Variants in BCR observed in about 807,000 individuals in gnomAD.
The protein encoded by BCR is breakpoint cluster region protein.
A neutral mutation model predicts 138.6 loss-of-function variants in BCR; 58 were observed. The ratio of observed to expected loss-of-function variants is 0.42; its 90% CI spans 0.34 to 0.52. The LOEUF is 0.52. BCR is among the 20% of genes least tolerant of loss of function. The pLI, the probability that BCR is intolerant of heterozygous loss-of-function variation, is 0.06. For synonymous variants in BCR, 786 were observed against 730.1 expected (o/e 1.08, Z -1.23); for missense variants, 1,599 against 1,727.2 (o/e 0.93, Z 1.32).
chr22:23,290,794 G>A lies in BCR; in HGVS notation c.2782+381G>A, dbSNP rs1483450551. The A allele has an allele frequency of 1.2e-5, 3 of 256,510 alleles. No homozygotes were observed. The East Asian group carries it at 2.4e-4, about 21-fold the overall frequency. The allele number at this position is 256,510 out of a possible 1,614,324, so 15.9% of individuals were successfully genotyped here. ...TTCACCCCACAGCAGAGCAGATTTG[G>A]CTGCTCTGTCGAGCTGGATGGATAC... On this transcript the variant is annotated intron_variant, in intron 14 of 22. Transcript: ENST00000305877.
At chr22:23,218,529 G>A (rs1010844005) in intron 1 of BCR, among the ~76,000 whole-genome samples, 26 of 152,232 alleles carry the variant, frequency 1.7e-4, no homozygotes, top group African/African-American at 6.0e-4. Flanking sequence ...CTCAGTCCCT[G>A]CCAGTCTCTG....
At chr22:23,226,304 A>ATG (rs1173631797) in intron 1 of BCR, among the ~76,000 whole-genome samples, 2 of 100,932 alleles carry the variant, frequency 2.0e-5, no homozygotes, top group Non-Finnish European at 4.1e-5. Context: ...CATTAAGTGT[A>ATG]TGAGAGAGAG....
In BCR at chr22:23,274,907, C is replaced by A. The variant is rs1350032986; in HGVS notation, c.2115+1133C>A. Among the ~76,000 whole-genome samples, 436 of 83,820 alleles carry A rather than the reference C, an allele frequency of 5.2e-3. 1 individual carries two copies. Among genetic ancestry groups the A allele is most frequent in the African/African-American group, 0.012 (277 of 23,928 alleles). 55.0% of individuals were successfully genotyped at this position (83,820 alleles called of 152,430 possible). A position where few individuals can be genotyped will look rare whatever the true frequency, so the allele number is the denominator to read the frequency against. On this transcript the variant is annotated intron_variant, in intron 8 of 22. Transcript: ENST00000305877. ...TGGGTGACAGAGTGAAACTCCATCT[C>A]AAAAAAAAAAAAAAAAAAAAAAAAG...
chr22:23,250,727 C>T (rs1180740582), intron 1 of BCR, among the ~76,000 whole-genome samples: 2 of 152,126 alleles, frequency 1.3e-5, no homozygotes. Flanking sequence ...TTGTCTAGTT[C>T]ACATGCATGA....
In BCR at chr22:23,181,322, G is replaced by T. The variant is rs769585253; in HGVS notation, c.362G>T (p.Gly121Val). Residue 121 changes from glycine (G) to valine (V), a missense_variant, in exon 1 of 23, where the codon GGT becomes GTT. Around this residue, in one of 4 missense-constraint regions of BCR, gnomAD observed 806 missense variants for 635.0 expected, o/e 1.27. Transcript: ENST00000305877. ...EEPEARPDGE[G>V]SPGKARPGTA... The stretch of plus-strand genomic sequence containing the variant: ...CCCGAGGCCCGGCCCGACGGCGAGG[G>T]TTCTCCGGGTAAGGCCAGGCCCGGG... 2.9e-6 allele frequency: 4 copies of T among 1,395,384 alleles called. No individual in the cohort carries two copies. The highest frequency in any genetic ancestry group is 3.7e-6 in the Non-Finnish European group (4 of 1,076,710). 86.4% of individuals were successfully genotyped at this position (1,395,384 alleles called of 1,614,324 possible). A position where few individuals can be genotyped will look rare whatever the true frequency, so the allele number is the denominator to read the frequency against.
intron 20 of BCR, among the ~76,000 whole-genome samples, chr22:23,313,272 C>G (rs975361149): frequency 2.6e-5 from 4 of 152,220 alleles, no homozygotes; most frequent in African/African-American, 9.6e-5. Flanking sequence ...CACTGCTGTG[C>G]TGTGGGGTCC....
At position 23,311,608 on chromosome 22, in the gene BCR, C is replaced by T. The variant is rs1384660816; in HGVS notation, c.3183-89C>T. ...TACCTTCGTCACCGTCCTCACCCCACCTCCGGGTGTGCAGATATGGAGCAG... is the reference window on the plus strand; with the variant it reads ...TACCTTCGTCACCGTCCTCACCCCATCTCCGGGTGTGCAGATATGGAGCAG... On this transcript the variant is annotated intron_variant, in intron 18 of 22. Transcript: ENST00000305877. 6.7e-6 allele frequency: 8 copies of T among 1,194,842 alleles called. No individual in the cohort carries two copies. The East Asian group carries it at 1.0e-4, about 15-fold the overall frequency. The allele number at this position is 1,194,842 out of a possible 1,614,324, so 74.0% of individuals were successfully genotyped here. A position where few individuals can be genotyped will look rare whatever the true frequency, so the allele number is the denominator to read the frequency against.
In BCR at chr22:23,181,017, GCC is replaced by G; in HGVS notation, c.61_62del (p.Pro21AlafsTer50). 1 of 1,492,766 alleles carries G rather than the reference GCC, an allele frequency of 6.7e-7. No individual in the cohort carries two copies. Among genetic ancestry groups the G allele is most frequent in the Non-Finnish European group, 9.0e-7 (1 of 1,112,322 alleles). The allele number at this position is 1,492,766 out of a possible 1,614,324, so 92.5% of individuals were successfully genotyped here. On this transcript the variant is annotated frameshift_variant, in exon 1 of 23. Coordinates refer to ENST00000305877, the MANE Select transcript of BCR (RefSeq NM_004327.4). LOFTEE classifies it high-confidence loss of function. ...GGAAGGCGCAGTTCCCGGACTCAGA[GCC>G]CCCGCGCATGGAGCTGCGCTCAGTG... ...AWKAQFPDSE[P>X]PRMELRSVGD...
intron 6 of BCR, among the ~76,000 whole-genome samples, chr22:23,272,073 C>T (rs1005149730): frequency 3.3e-5 from 5 of 152,176 alleles, no homozygotes; most frequent in African/African-American, 9.7e-5. Context: ...GTGCCTTGGC[C>T]TCCCAAAGTG....
chr22:23,254,027 C>T, intron 2 of BCR, 47 bp downstream of exon 2: 2 of 1,561,654 alleles, frequency 1.3e-6, no homozygotes, highest in Non-Finnish European at 1.7e-6. Context: ...GGTGAGGCTC[C>T]CTGAAGCGCA....
chr22:23,304,674 T>C (rs1479189628), intron 16 of BCR, among the ~76,000 whole-genome samples: 1 of 152,146 alleles, frequency 6.6e-6, no homozygotes, highest in Non-Finnish European at 1.5e-5. Flanking sequence ...CTGCACCATC[T>C]TACATCCCCA....
At chr22:23,283,570 C>T (rs1016867479) in intron 8 of BCR, 4 of 167,414 alleles carry the variant, frequency 2.4e-5, no homozygotes, top group African/African-American at 9.6e-5. Context: ...TTCTGGATCT[C>T]CAGCTGCCAC....
In BCR at chr22:23,181,895, C is replaced by T; in HGVS notation, c.935C>T (p.Pro312Leu). 2 of 1,613,464 alleles carry T rather than the reference C, an allele frequency of 1.2e-6. No individual in the cohort carries two copies. The highest frequency in any genetic ancestry group is 1.7e-4 in the Middle Eastern group (1 of 6,060). Residue 312 changes from proline (P) to leucine (L), a missense_variant, in exon 1 of 23, where the codon CCC becomes CTC. By Grantham distance (98) the Pro-to-Leu change is moderately conservative. Transcript: ENST00000305877. ...TSEQEKRLTW[P>L]RRSYSPRSFE... ...GAGCAGGAGAAGCGCCTTACCTGGC[C>T]CCGCAGGTCCTACTCCCCCCGGAGT...
At chr22:23,278,948 A>G (rs1407849367) in intron 8 of BCR, among the ~76,000 whole-genome samples, 1 of 152,208 alleles carries the variant, frequency 6.6e-6, no homozygotes, top group Non-Finnish European at 1.5e-5. Context: ...ATTGGCAAAC[A>G]AAGCTTGGGT....
rs541916619 is a variant in BCR at position 23,290,810 on chromosome 22, G to A, written c.2782+397G>A. 33 of 235,604 alleles carry A rather than the reference G, an allele frequency of 1.4e-4. 1 individual carries two copies. The East Asian group carries it at 2.5e-3, about 18-fold the overall frequency. The allele number at this position is 235,604 out of a possible 1,614,324, so 14.6% of individuals were successfully genotyped here. A position where few individuals can be genotyped will look rare whatever the true frequency, so the allele number is the denominator to read the frequency against. The stretch of plus-strand genomic sequence containing the variant: ...GCAGATTTGGCTGCTCTGTCGAGCT[G>A]GATGGATACTACTTTTTTTTTCCTT... On this transcript the variant is annotated intron_variant, in intron 14 of 22. Transcript: ENST00000305877.
At chr22:23,253,767 C>G in intron 1 of BCR, 32 bp from the exon 2 acceptor site, 5 of 1,590,306 alleles carry the variant, frequency 3.1e-6, no homozygotes, top group Middle Eastern at 3.4e-4. Flanking sequence ...CCTTCTCTGT[C>G]TCTAACACAG....
intron 1 of BCR, among the ~76,000 whole-genome samples, chr22:23,214,359 G>C (rs1274910917): frequency 6.6e-6 from 1 of 152,178 alleles, no homozygotes; most frequent in Non-Finnish European, 1.5e-5. Flanking sequence ...TGGTATTTCA[G>C]ATGACCCCCC....
intron 1 of BCR, among the ~76,000 whole-genome samples, chr22:23,247,257 C>T (rs1354037587): frequency 6.6e-6 from 1 of 152,188 alleles, no homozygotes; most frequent in Non-Finnish European, 1.5e-5. Flanking sequence ...TCTGTGAAAA[C>T]CTCCACCACA....
At chr22:23,209,849 C>T (rs2072661352) in intron 1 of BCR, among the ~76,000 whole-genome samples, 1 of 152,174 alleles carries the variant, frequency 6.6e-6, no homozygotes, top group African/African-American at 2.4e-5. Flanking sequence ...AGGCTGGTCT[C>T]AACCTCCTGG....
Sources: allele counts gnomAD v4.1 joint callset (sites outside exome capture counted in the v4.1 genomes callset), GRCh38; gene constraint gnomAD v4.1.1; regional missense constraint gnomAD v4.1.1; transcripts MANE v1.5; gene names NCBI Gene and HGNC (gene_info 2026-07-23, HGNC 2026-07-21).